CFAP299: variants seen among roughly 807,000 people sequenced by gnomAD.
CFAP299 encodes cilia and flagella associated protein 299.
CFAP299 carries 21 observed loss-of-function variants against 27.0 expected under a neutral mutation model. That is an observed-to-expected ratio of 0.78 (90% CI 0.55 to 1.12). CFAP299 has a LOEUF of 1.12. CFAP299 is among the 50% of genes most tolerant of loss of function. The pLI, the probability that CFAP299 is intolerant of heterozygous loss-of-function variation, is 0.00. For missense variants in CFAP299, 310 were observed against 276.6 expected, an observed-to-expected ratio of 1.12 and a Z score of -0.86; for synonymous variants, 104 against 98.1, an observed-to-expected ratio of 1.06 and a Z score of -0.36.
intron 1 of CFAP299, among the ~76,000 whole-genome samples, chr4:80,352,857 T>A (rs967206822): frequency 1.3e-5 from 2 of 151,764 alleles, no homozygotes; most frequent in Admixed American, 6.6e-5. Flanking sequence ...TAGAAAAAAA[T>A]TTGATTTGAG....
At chr4:80,505,034 A>C (rs1162723703) in intron 2 of CFAP299, among the ~76,000 whole-genome samples, 1 of 149,306 alleles carries the variant, frequency 6.7e-6, no homozygotes, top group Non-Finnish European at 1.5e-5. Context: ...ATGTCAATAA[A>C]TCATTTATAT....
chr4:80,659,390 A>G (rs978826825), intron 3 of CFAP299, among the ~76,000 whole-genome samples: 4 of 152,048 alleles, frequency 2.6e-5, no homozygotes, highest in African/African-American at 9.6e-5. Context: ...TTTGTAATAC[A>G]CATAAGCAGC....
At chr4:80,751,702 A>G (rs1325617664) in intron 3 of CFAP299, among the ~76,000 whole-genome samples, 3 of 152,274 alleles carry the variant, frequency 2.0e-5, no homozygotes, top group South Asian at 2.1e-4. Context: ...GTAATAATTG[A>G]GTCTACTGAA....
In CFAP299 at chr4:80,501,155, T is replaced by G. The variant is rs1731722187; in HGVS notation, c.243-81938T>G. Among the ~76,000 whole-genome samples, 3 of 152,150 alleles carry G rather than the reference T, an allele frequency of 2.0e-5. No individual in the cohort carries two copies. The South Asian group carries it at 6.2e-4, about 32-fold the overall frequency. ...ATTTCTAGTAGTTTACAAGGTAACT[T>G]GAGTACTCATAACTCTAGCTTACCT... On this transcript the variant is annotated intron_variant, in intron 2 of 5. Transcript: ENST00000358105.
At chr4:80,854,810 G>GGAA (rs1731735017) in intron 3 of CFAP299, among the ~76,000 whole-genome samples, 3 of 43,380 alleles carry the variant, frequency 6.9e-5, no homozygotes, top group African/African-American at 2.2e-4. Flanking sequence ...CTGTTGCTAT[G>GGAA]AAAAAAAAAA....
At chr4:80,642,165 G>A (rs1238042455) in intron 3 of CFAP299, among the ~76,000 whole-genome samples, 2 of 152,150 alleles carry the variant, frequency 1.3e-5, no homozygotes, top group African/African-American at 4.8e-5. Context: ...CTAGTTCAGG[G>A]AGATTAATCT....
At chr4:80,709,728 A>G (rs1722029552) in intron 3 of CFAP299, among the ~76,000 whole-genome samples, 1 of 152,154 alleles carries the variant, frequency 6.6e-6, no homozygotes, top group African/African-American at 2.4e-5. Context: ...AGGAATTTTG[A>G]TTTCGCTGAT....
Position 80,916,344 on chromosome 4 carries a change from TAA to T in CFAP299, c.477-28465_477-28464del, listed in dbSNP as rs201967539. Among the ~76,000 whole-genome samples the T allele has an allele frequency of 9.1e-3, 1,323 of 146,010 alleles. 22 individuals carry two copies. Among genetic ancestry groups the T allele is most frequent in the African/African-American group, 0.032 (1,295 of 40,016 alleles). ...CTCCATCTTTGTATGTACAGTATAT[TAA>T]TTGCATACTGGGCATTGTGGATTTT... On this transcript the variant is annotated intron_variant, in intron 4 of 5. Coordinates refer to ENST00000358105, the MANE Select transcript of CFAP299 (RefSeq NM_152770.3).
At chr4:80,855,443 A>C (rs1185978149) in intron 3 of CFAP299, among the ~76,000 whole-genome samples, 1 of 151,948 alleles carries the variant, frequency 6.6e-6, no homozygotes, top group African/African-American at 2.4e-5. Flanking sequence ...TTTATGGTAC[A>C]TGTGCACAAT....
intron 3 of CFAP299, among the ~76,000 whole-genome samples, chr4:80,790,663 C>T (rs1368618306): frequency 2.0e-5 from 3 of 151,964 alleles, no homozygotes; most frequent in Admixed American, 1.3e-4. Flanking sequence ...TGCTGGCATC[C>T]TGATCTTGGA....
chr4:80,794,657 G>T (rs72661732), intron 3 of CFAP299, among the ~76,000 whole-genome samples: 1 of 152,278 alleles, frequency 6.6e-6, no homozygotes, highest in Non-Finnish European at 1.5e-5. Flanking sequence ...GAGTGCGTTG[G>T]TCAGAGGCAA....
At chr4:80,649,754 G>T (rs1381985491) in intron 3 of CFAP299, among the ~76,000 whole-genome samples, 1 of 151,946 alleles carries the variant, frequency 6.6e-6, no homozygotes, top group East Asian at 1.9e-4. Flanking sequence ...GTGTATAAAA[G>T]AAAATGTTTG....
chr4:80,574,796 C>T (rs1451573573), intron 2 of CFAP299, among the ~76,000 whole-genome samples: 1 of 151,988 alleles, frequency 6.6e-6, no homozygotes, highest in Non-Finnish European at 1.5e-5. Flanking sequence ...TCCTTGAATC[C>T]CTGGGATAAG....
intron 3 of CFAP299, among the ~76,000 whole-genome samples, chr4:80,680,104 G>A (rs954449365): frequency 6.6e-6 from 1 of 151,960 alleles, no homozygotes; most frequent in Non-Finnish European, 1.5e-5. Flanking sequence ...GGGAGGAATA[G>A]GTCTACTGCC....
chr4:80,630,548 T>C (rs1232584281), intron 3 of CFAP299, among the ~76,000 whole-genome samples: 3 of 152,080 alleles, frequency 2.0e-5, no homozygotes, highest in Non-Finnish European at 4.4e-5. Context: ...AACATTATGT[T>C]TTTATAATAT....
intron 3 of CFAP299, among the ~76,000 whole-genome samples, chr4:80,654,784 CTTTTTTTT>C (rs369680550): frequency 2.4e-5 from 3 of 126,814 alleles, no homozygotes; most frequent in African/African-American, 5.8e-5. Context: ...TAATTTTTAA[CTTTTTTTT>C]TTTTTTTTTT....
intron 1 of CFAP299, among the ~76,000 whole-genome samples, chr4:80,341,521 G>A (rs1012789149): frequency 3.3e-5 from 5 of 152,122 alleles, no homozygotes; most frequent in African/African-American, 1.2e-4. Context: ...CTTCACTGGT[G>A]ATACCTTCAG....
At chr4:80,634,720 G>C (rs1739399687) in intron 3 of CFAP299, among the ~76,000 whole-genome samples, 2 of 151,978 alleles carry the variant, frequency 1.3e-5, no homozygotes, top group African/African-American at 4.8e-5. Context: ...ATACTCAAAA[G>C]TACAACCACA....
intron 2 of CFAP299, among the ~76,000 whole-genome samples, chr4:80,407,663 G>A (rs374895611): frequency 1.2e-3 from 190 of 152,228 alleles, no homozygotes; most frequent in African/African-American, 4.3e-3. Flanking sequence ...TTCTTTATAA[G>A]AGAACTTGAA....
Sources: allele counts gnomAD v4.1 joint callset (sites outside exome capture counted in the v4.1 genomes callset), GRCh38; gene constraint gnomAD v4.1.1; transcripts MANE v1.5; gene names NCBI Gene and HGNC (gene_info 2026-07-23, HGNC 2026-07-21).